Variants in TTYH2 observed in about 807,000 individuals in gnomAD.
TTYH2 encodes the protein protein tweety homolog 2.
A neutral mutation model predicts 68.3 loss-of-function variants in TTYH2; 49 were observed. The observed-to-expected ratio is 0.72, with a 90% CI of 0.57 to 0.91. TTYH2 has a LOEUF of 0.91. Ranked by LOEUF, TTYH2 falls within the 40% of genes least tolerant of loss-of-function variation. The probability of loss-of-function intolerance (pLI) is 0.00; values close to 1 mark genes in which losing one functional copy is unlikely to be tolerated. For synonymous variants in TTYH2, 272 were observed against 300.8 expected (o/e 0.90, Z 0.99); for missense variants, 631 against 700.4 (o/e 0.90, Z 1.12).
At chr17:74,223,675 T>A (rs6501700) in intron 2 of TTYH2, among the ~76,000 whole-genome samples, 13,763 of 152,196 alleles carry the variant, frequency 0.09, 1,890 homozygotes, top group African/African-American at 0.3. Flanking sequence ...AAATCTATAA[T>A]GATTTTTCCA....
rs762158319 is a variant in TTYH2 at position 74,249,338 on chromosome 17, CT to C, written c.875-5del. ...AGCTGCCTAACGTTATGCCGTTGCC[CT>C]GCAGAGGTGACTCGCTACTACCTGT... On this transcript the variant is annotated splice_region_variant and splice_polypyrimidine_tract_variant and intron_variant, in intron 7 of 13. Transcript: ENST00000269346. 1 of 1,614,120 alleles carries C rather than the reference CT, an allele frequency of 6.2e-7. No individual in the cohort carries two copies. Among genetic ancestry groups the C allele is most frequent in the Admixed American group, 1.7e-5 (1 of 60,018 alleles).
Position 74,213,998 on chromosome 17 carries a change from G to T in TTYH2, c.129+282G>T, listed in dbSNP as rs2050197591. 6.6e-6 allele frequency among the ~76,000 whole-genome samples: 1 copy of T among 151,972 alleles called. No homozygotes were observed. Among genetic ancestry groups the T allele is most frequent in the Non-Finnish European group, 1.5e-5 (1 of 67,994 alleles). ...GCGCAAGACCGCCTGCGGGGTGAGG[G>T]GCTGAACGCTGAGCGGGCAGGGCGG... is the stretch of plus-strand genomic sequence containing the variant. On this transcript the variant is annotated intron_variant, in intron 1 of 13. Transcript: ENST00000269346. The surrounding 1 kb of genome is among the most constrained non-coding windows in gnomAD (Gnocchi z 6.1).
chr17:74,237,758 G>A (rs1598222659), intron 4 of TTYH2, among the ~76,000 whole-genome samples: 1 of 152,010 alleles, frequency 6.6e-6, no homozygotes, highest in South Asian at 2.1e-4. Flanking sequence ...TCCCTCCCAA[G>A]TAGCTGGGAC....
At position 74,222,775 on chromosome 17, in the gene TTYH2, A is replaced by G; in HGVS notation, c.302+118A>G. 4 of 1,193,486 alleles carry G rather than the reference A, an allele frequency of 3.4e-6. No homozygotes were observed. In the South Asian group the frequency reaches 6.7e-5, roughly 20 times the overall value. The allele number at this position is 1,193,486 out of a possible 1,614,324, so 73.9% of individuals were successfully genotyped here. A position where few individuals can be genotyped will look rare whatever the true frequency, so the allele number is the denominator to read the frequency against. On this transcript the variant is annotated intron_variant, in intron 2 of 13. Coordinates refer to ENST00000269346, the MANE Select transcript of TTYH2 (RefSeq NM_032646.6). The surrounding 1 kb of genome is among the most constrained non-coding windows in gnomAD (Gnocchi z 5.2). ...CCTTGATGGAAAAGCTTGTCCCCAGATGAATGTTGTCCCTTTTTTTTTTTT... is the reference window on the plus strand; with the variant it reads ...CCTTGATGGAAAAGCTTGTCCCCAGGTGAATGTTGTCCCTTTTTTTTTTTT...
chr17:74,226,311 G>C (rs1175692019), intron 2 of TTYH2, among the ~76,000 whole-genome samples: 5 of 152,200 alleles, frequency 3.3e-5, no homozygotes, highest in Non-Finnish European at 7.3e-5. Context: ...GTGTTTAACA[G>C]CTAGGACGCA....
intron 10 of TTYH2, among the ~76,000 whole-genome samples, chr17:74,251,073 T>C (rs1463499806): frequency 7.8e-6 from 1 of 127,778 alleles, no homozygotes; most frequent in African/African-American, 3.0e-5. Context: ...TGTGCGTGTG[T>C]GTGCACTTGT....
intron 13 of TTYH2, among the ~76,000 whole-genome samples, chr17:74,259,921 G>A (rs76522318): frequency 1.1e-4 from 16 of 152,272 alleles, no homozygotes; most frequent in Middle Eastern, 3.4e-3. Flanking sequence ...GTGCTGGGGC[G>A]GAGTGGACAT....
intron 1 of TTYH2, among the ~76,000 whole-genome samples, chr17:74,218,715 C>T (rs998713538): frequency 2.0e-5 from 3 of 152,026 alleles, no homozygotes; most frequent in Non-Finnish European, 4.4e-5. Flanking sequence ...GAGAGTGAAA[C>T]GGGGGAGCAG....
chr17:74,240,116 T>C lies in TTYH2; in HGVS notation c.635+2602T>C, dbSNP rs140498346. Among the ~76,000 whole-genome samples, 155 of 152,282 alleles carry C rather than the reference T, an allele frequency of 1.0e-3. 1 individual carries two copies. The East Asian group carries it at 0.014, about 14-fold the overall frequency. ...AGCGTGGGTGATTGACAGGACCCCC[T>C]GTGAGTCCATCCCCAACTCCCCACT... On this transcript the variant is annotated intron_variant, in intron 4 of 13. Coordinates refer to ENST00000269346, the MANE Select transcript of TTYH2 (RefSeq NM_032646.6).
At position 74,222,888 on chromosome 17, in the gene TTYH2, T is replaced by A. The variant is rs909800881; in HGVS notation, c.302+231T>A. 1.3e-5 allele frequency among the ~76,000 whole-genome samples: 2 copies of A among 151,118 alleles called. No individual in the cohort carries two copies. Among genetic ancestry groups the A allele is most frequent in the Non-Finnish European group, 2.9e-5 (2 of 67,828 alleles). On this transcript the variant is annotated intron_variant, in intron 2 of 13. Transcript: ENST00000269346. The surrounding 1 kb of genome is among the most constrained non-coding windows in gnomAD (Gnocchi z 5.2). ...TGGCCCCCCACAAACCCTGCCCCAATGTGGGTTTGTCCTGTGCCCAGCAGC... is the reference window on the plus strand; with the variant it reads ...TGGCCCCCCACAAACCCTGCCCCAAAGTGGGTTTGTCCTGTGCCCAGCAGC...
chr17:74,221,577 C>G (rs564547336), intron 1 of TTYH2, among the ~76,000 whole-genome samples: 38 of 152,338 alleles, frequency 2.5e-4, no homozygotes, highest in African/African-American at 9.1e-4. Context: ...GACTTAGAGC[C>G]AGGTCCAGCC....
intron 13 of TTYH2, among the ~76,000 whole-genome samples, chr17:74,254,903 G>A (rs990941148): frequency 6.6e-6 from 1 of 152,160 alleles, no homozygotes; most frequent in Non-Finnish European, 1.5e-5. Flanking sequence ...CCCAAACACA[G>A]CCTTCCTCAA....
At chr17:74,219,027 C>T (rs147960458) in intron 1 of TTYH2, among the ~76,000 whole-genome samples, 131 of 152,212 alleles carry the variant, frequency 8.6e-4, no homozygotes, top group Middle Eastern at 3.4e-3. Flanking sequence ...GTCAGGAGTT[C>T]GAGACCAGCC....
chr17:74,220,839 T>C (rs1343799385), intron 1 of TTYH2, among the ~76,000 whole-genome samples: 1 of 151,588 alleles, frequency 6.6e-6, no homozygotes, highest in African/African-American at 2.4e-5. Flanking sequence ...CAGGCCGGAG[T>C]GCAGTGGTGC....
rs981743962 is a variant in TTYH2, at chr17:74,214,235, C to T, written c.129+519C>T. ...TCGCAGCACCCCTCCTCCCCAGCCC[C>T]GGCCTGCAGGGTGGGAGTCTCAGCT... On this transcript the variant is annotated intron_variant, in intron 1 of 13. Transcript: ENST00000269346. This position sits in a 1 kb window ranked among gnomAD's most constrained non-coding sequence, Gnocchi z 4.6. Among the ~76,000 whole-genome samples the T allele has an allele frequency of 2.0e-5, 3 of 152,112 alleles. No individual in the cohort carries two copies. The highest frequency in any genetic ancestry group is 4.4e-5 in the Non-Finnish European group (3 of 68,012).
chr17:74,238,902 G>A (rs1390420673), intron 4 of TTYH2, among the ~76,000 whole-genome samples: 1 of 151,744 alleles, frequency 6.6e-6, no homozygotes, highest in Non-Finnish European at 1.5e-5. Context: ...TAGAAATAGG[G>A]GTCTTGCTTT....
rs1207706871 is a variant in TTYH2, at chr17:74,239,705, C to G, written c.635+2191C>G. On this transcript the variant is annotated intron_variant, in intron 4 of 13. Transcript: ENST00000269346. This position sits in a 1 kb window ranked among gnomAD's most constrained non-coding sequence, Gnocchi z 5.3. ...TCCTGGATGCTCTGGATTGAAGGGA[C>G]CTTGGCCCCACTCCCCAGCAGATGG... Among the ~76,000 whole-genome samples the G allele has an allele frequency of 2.0e-5, 3 of 152,150 alleles. No individual in the cohort carries two copies. Among genetic ancestry groups the G allele is most frequent in the Admixed American group, 2.0e-4 (3 of 15,272 alleles).
chr17:74,248,538 T>G, intron 6 of TTYH2: 1 of 997,344 alleles, frequency 1.0e-6, no homozygotes, highest in Non-Finnish European at 1.2e-6. Context: ...GGAGGCTTCA[T>G]AGATTGAACA....
chr17:74,242,437 G>C (rs2050511271), intron 4 of TTYH2, among the ~76,000 whole-genome samples: 1 of 152,204 alleles, frequency 6.6e-6, no homozygotes, highest in African/African-American at 2.4e-5. Context: ...CTGTGGCCCA[G>C]GCTGGAGTGC....
Sources: gnomAD v4.1 joint callset for allele counts (sites outside exome capture counted in the v4.1 genomes callset) on GRCh38, gnomAD v4.1.1 for gene constraint, Gnocchi (gnomAD v3.1) non-coding constraint, MANE v1.5 for transcripts, NCBI Gene and HGNC (gene_info 2026-07-23, HGNC 2026-07-21) for gene names.